CFAP100: variants seen among roughly 807,000 people sequenced by gnomAD.
The protein encoded by CFAP100 is cilia and flagella associated protein 100.
A neutral mutation model predicts 81.5 loss-of-function variants in CFAP100; 70 were observed. The ratio of observed to expected loss-of-function variants is 0.86; its 90% CI spans 0.71 to 1.05. The LOEUF (loss-of-function observed/expected upper bound fraction) is 1.05. CFAP100 is among the 50% of genes least tolerant of loss of function. The probability of loss-of-function intolerance (pLI) is 0.00; values close to 1 mark genes in which losing one functional copy is unlikely to be tolerated. For missense variants in CFAP100, 811 were observed against 776.5 expected (o/e 1.04, Z -0.53); for synonymous variants, 341 against 314.8 (o/e 1.08, Z -0.88).
At chr3:126,432,164 A>C (rs976139844) in intron 13 of CFAP100, among the ~76,000 whole-genome samples, 1 of 151,530 alleles carries the variant, frequency 6.6e-6, no homozygotes, top group Non-Finnish European at 1.5e-5. Context: ...CTGTAGTTCC[A>C]GCTACTCAGG....
At chr3:126,428,515 A>C (rs1457238160) in intron 13 of CFAP100, among the ~76,000 whole-genome samples, 1 of 152,192 alleles carries the variant, frequency 6.6e-6, no homozygotes, top group African/African-American at 2.4e-5. Context: ...TAAAGTCTGG[A>C]CTGTGGGTGA....
intron 2 of CFAP100, among the ~76,000 whole-genome samples, chr3:126,399,202 T>C (rs752190528): frequency 3.2e-4 from 49 of 152,220 alleles, no homozygotes; most frequent in Non-Finnish European, 6.6e-4. Flanking sequence ...TCTGGCCTTT[T>C]GACCCTTCTT....
chr3:126,433,527 A>C (rs1933315938), intron 14 of CFAP100: 2 of 287,920 alleles, frequency 6.9e-6, no homozygotes, highest in African/African-American at 4.4e-5. Flanking sequence ...TGAGAGGGTG[A>C]GAGAATTGGG....
At chr3:126,433,263 A>G (rs1250016067) in intron 14 of CFAP100, 59 bp downstream of exon 14, 5 of 1,589,910 alleles carry the variant, frequency 3.1e-6, no homozygotes, top group Admixed American at 1.7e-5. Flanking sequence ...TTGGGCACCC[A>G]CTGGAGGAGC....
chr3:126,416,576 C>T, intron 5 of CFAP100, 68 bp downstream of exon 5: 2 of 1,297,138 alleles, frequency 1.5e-6, no homozygotes, highest in Non-Finnish European at 2.1e-6. Flanking sequence ...AGGGGGCGCG[C>T]CTGGAACCTC....
chr3:126,416,060 C>T (rs934700819), intron 4 of CFAP100, among the ~76,000 whole-genome samples: 3 of 152,148 alleles, frequency 2.0e-5, no homozygotes, highest in Non-Finnish European at 2.9e-5. Flanking sequence ...AAGCGTGCCC[C>T]CTCTGTGGGT....
At chr3:126,404,604 G>A (rs1171405691) in intron 2 of CFAP100, among the ~76,000 whole-genome samples, 1 of 152,218 alleles carries the variant, frequency 6.6e-6, no homozygotes, top group Non-Finnish European at 1.5e-5. Context: ...CAGTTAATCG[G>A]TAACAAAGTC....
intron 13 of CFAP100, among the ~76,000 whole-genome samples, chr3:126,430,709 AC>A (rs1576647763): frequency 6.6e-6 from 1 of 150,862 alleles, no homozygotes; most frequent in Non-Finnish European, 1.5e-5. Flanking sequence ...GTCTGCTGTT[AC>A]AGCTCTCTTG....
At chr3:126,397,055 G>A (rs902818799) in intron 2 of CFAP100, among the ~76,000 whole-genome samples, 22 of 152,204 alleles carry the variant, frequency 1.4e-4, no homozygotes, top group African/African-American at 5.3e-4. Context: ...AGGCAAATGT[G>A]TGTAGATGAG....
intron 3 of CFAP100, among the ~76,000 whole-genome samples, chr3:126,409,290 C>T (rs991539038): frequency 5.3e-5 from 8 of 152,338 alleles, no homozygotes; most frequent in East Asian, 1.9e-4. Context: ...GCTCATATCC[C>T]GTCTGGGAGA....
Position 126,414,131 on chromosome 3 carries a change from T to C in CFAP100, c.177T>C (p.Asp59=), listed in dbSNP as rs1217104482. 1.2e-6 allele frequency: 2 copies of C among 1,614,110 alleles called. No individual in the cohort carries two copies. The highest frequency in any genetic ancestry group is 2.2e-5 in the East Asian group (1 of 44,880). Residue 59 remains aspartate (D), a synonymous_variant, in exon 4 of 17, where the codon GAT becomes GAC. Coordinates refer to ENST00000352312, the MANE Select transcript of CFAP100 (RefSeq NM_182628.3). ...CGAACCCTTTCCACTTATCTGGGGATGTGGATTTCTTCTTGCTCAGAGATC... is the reference window on the plus strand; with the variant it reads ...CGAACCCTTTCCACTTATCTGGGGACGTGGATTTCTTCTTGCTCAGAGATC... ...PSANPFHLSG[D]VDFFLLRDQE...
At chr3:126,397,487 C>T (rs922991350) in intron 2 of CFAP100, among the ~76,000 whole-genome samples, 1 of 152,214 alleles carries the variant, frequency 6.6e-6, no homozygotes, top group East Asian at 1.9e-4. Context: ...TATGCTACCA[C>T]AAGACAGTTG....
rs190717627 is a variant in CFAP100 at position 126,420,031 on chromosome 3, C to T, written c.955+10C>T. The T allele has an allele frequency of 4.1e-5, 66 of 1,613,198 alleles. No individual in the cohort carries two copies. The Admixed American group carries it at 8.3e-4, about 20-fold the overall frequency. The stretch of plus-strand genomic sequence containing the variant: ...TCCATGTGGGCCAAAGGTGAGCTGC[C>T]GCCCCCAGCCTGAGGAGGAGCCTGG... On this transcript the variant is annotated intron_variant, in intron 10 of 16. Transcript: ENST00000352312.
chr3:126,407,796 C>T lies in CFAP100; in HGVS notation c.130+544C>T, dbSNP rs546485811. ...CAGGATCTATAAGGAGGGCACACTG[C>T]TGCCACCGTTAGGAGGAAGGAGGGC... is the stretch of plus-strand genomic sequence containing the variant. On this transcript the variant is annotated intron_variant, in intron 3 of 16. Transcript: ENST00000352312. Among the ~76,000 whole-genome samples, 44 of 152,322 alleles carry T rather than the reference C, an allele frequency of 2.9e-4. 1 individual carries two copies. In the South Asian group the frequency reaches 8.7e-3, roughly 30 times the overall value.
chr3:126,416,186 G>A (rs539473523), intron 4 of CFAP100, 130 bp from the exon 5 acceptor site: 56 of 672,832 alleles, frequency 8.3e-5, no homozygotes, highest in Non-Finnish European at 1.2e-4. Flanking sequence ...CTCTCAGCCC[G>A]GGACAGCAGT....
chr3:126,405,676 A>G (rs769339601), intron 2 of CFAP100, among the ~76,000 whole-genome samples: 1 of 152,134 alleles, frequency 6.6e-6, no homozygotes, highest in Admixed American at 6.5e-5. Context: ...ATAAATAAAT[A>G]AATAAATAAA....
chr3:126,420,280 C>T (rs2083310038), intron 11 of CFAP100, 51 bp downstream of exon 11: 1 of 1,603,164 alleles, frequency 6.2e-7, no homozygotes, highest in Non-Finnish European at 8.5e-7. Context: ...GGCGAGCCCT[C>T]CCTTGTGGCA....
chr3:126,418,699 C>A lies in CFAP100; in HGVS notation c.575C>A (p.Ser192Tyr). The change falls in exon 7 of 17, where the codon TCC (serine) becomes TAC (tyrosine). Residue 192 changes from serine to tyrosine, a missense_variant. Physicochemically the swap from Ser to Tyr is moderately radical, Grantham distance 144 (BLOSUM62 -2). Transcript: ENST00000352312. ...EEARLERAEK[S>Y]LEKDAALFDE... The stretch of plus-strand genomic sequence containing the variant: ...GCCAGGCTGGAGCGGGCCGAGAAAT[C>A]CCTGGAGAAGGACGCCGCCTTGTTC... 2 of 1,587,906 alleles carry A rather than the reference C, an allele frequency of 1.3e-6. No individual in the cohort carries two copies. The highest frequency in any genetic ancestry group is 1.1e-5 in the South Asian group (1 of 87,440).
In CFAP100 at chr3:126,423,339, T is replaced by TC. The variant is rs747835123; in HGVS notation, c.1104dup (p.Thr369HisfsTer88). 6.8e-5 allele frequency: 109 copies of TC among 1,612,178 alleles called. No individual in the cohort carries two copies. The highest frequency in any genetic ancestry group is 1.6e-4 in the Middle Eastern group (1 of 6,078). On this transcript the variant is annotated frameshift_variant, in exon 12 of 17. Transcript: ENST00000352312. LOFTEE classifies it high-confidence loss of function. Reference sequence around the variant, plus strand: ...TCTCTTCGCAGGTCGAACTCTCCCATCCCCCCCACGCAGGAGGACACCGAC... The same window carrying TC: ...TCTCTTCGCAGGTCGAACTCTCCCATCCCCCCCCACGCAGGAGGACACCGAC...
Sources: allele counts gnomAD v4.1 joint callset (sites outside exome capture counted in the v4.1 genomes callset), GRCh38; gene constraint gnomAD v4.1.1; transcripts MANE v1.5; gene names NCBI Gene and HGNC (gene_info 2026-07-23, HGNC 2026-07-21).